SPOCK1: variants seen among roughly 807,000 people sequenced by gnomAD.
SPOCK1 encodes testican-1.
In SPOCK1, 23 loss-of-function variants were observed where a neutral mutation model predicts 55.3. The observed-to-expected ratio is 0.42, with a 90% CI of 0.30 to 0.59. The LOEUF (loss-of-function observed/expected upper bound fraction) is 0.59, where lower values mean the gene tolerates loss of function less well. Among genes scored for constraint, SPOCK1 ranks in the 20% least tolerant of loss-of-function variants. SPOCK1 has a pLI of 0.22. For missense variants in SPOCK1, 499 were observed against 552.5 expected (o/e 0.90, Z 0.97); for synonymous variants, 226 against 221.0 (o/e 1.02, Z -0.20).
chr5:137,309,149 A>C (rs1757748627), intron 2 of SPOCK1, among the ~76,000 whole-genome samples: 1 of 152,222 alleles, frequency 6.6e-6, no homozygotes, highest in African/African-American at 2.4e-5. Flanking sequence ...AAGTAGATAG[A>C]TCTTCAGTGT....
chr5:137,461,476 G>A (rs748810367), intron 2 of SPOCK1, among the ~76,000 whole-genome samples: 16 of 152,190 alleles, frequency 1.1e-4, no homozygotes, highest in Non-Finnish European at 2.2e-4. Flanking sequence ...GCAGCTTTTG[G>A]GGGCAGCCCC....
intron 2 of SPOCK1, among the ~76,000 whole-genome samples, chr5:137,431,252 C>T (rs1752737635): frequency 6.6e-6 from 1 of 152,144 alleles, no homozygotes; most frequent in South Asian, 2.1e-4. Context: ...TACCTACAGC[C>T]AAACAGTCTT....
At chr5:137,270,402 A>C (rs1023220777) in intron 2 of SPOCK1, among the ~76,000 whole-genome samples, 3 of 152,206 alleles carry the variant, frequency 2.0e-5, no homozygotes, top group Non-Finnish European at 4.4e-5. Flanking sequence ...TGCATTCCAC[A>C]GGTTGAGGAA....
intron 6 of SPOCK1, among the ~76,000 whole-genome samples, chr5:137,043,590 T>G (rs1752041928): frequency 6.6e-6 from 1 of 152,196 alleles, no homozygotes; most frequent in Non-Finnish European, 1.5e-5. Flanking sequence ...AAGCATGTAA[T>G]TATGACTTCA....
intron 9 of SPOCK1, among the ~76,000 whole-genome samples, chr5:136,979,806 G>C (rs1750694415): frequency 6.6e-6 from 1 of 152,076 alleles, no homozygotes; most frequent in Non-Finnish European, 1.5e-5. Context: ...ACAACTCTAA[G>C]AGATACATAC....
chr5:136,977,744 T>G lies in SPOCK1; in HGVS notation c.*910A>C. The G allele has an allele frequency of 2.5e-6, 1 of 398,878 alleles. No individual in the cohort carries two copies. The highest frequency in any genetic ancestry group is 4.4e-6 in the Non-Finnish European group (1 of 226,028). 24.7% of individuals were successfully genotyped at this position (398,878 alleles called of 1,614,324 possible). ...AAAGTGATTTAGGCAGACGGAGGTT[T>G]TTTCTCAATCAGAGGCTTTCAGTAA... On this transcript the variant is annotated 3_prime_UTR_variant, in exon 11 of 11. Transcript: ENST00000394945.
intron 5 of SPOCK1, among the ~76,000 whole-genome samples, chr5:137,098,117 T>A (rs1279683546): frequency 6.6e-6 from 1 of 152,240 alleles, no homozygotes; most frequent in African/African-American, 2.4e-5. Context: ...TACTGTTCGA[T>A]GAATTTAATA....
chr5:137,209,359 G>A (rs950334735), intron 3 of SPOCK1, among the ~76,000 whole-genome samples: 2 of 152,204 alleles, frequency 1.3e-5, no homozygotes, highest in South Asian at 4.1e-4. Context: ...AGCATCGCAT[G>A]ACCTGCATGC....
intron 2 of SPOCK1, among the ~76,000 whole-genome samples, chr5:137,324,493 G>T (rs180850153): frequency 6.6e-6 from 1 of 152,088 alleles, no homozygotes; most frequent in Non-Finnish European, 1.5e-5. Context: ...CCTGGAAGAC[G>T]TTGTGTTAAA....
chr5:137,174,550 A>T (rs1287529766), intron 3 of SPOCK1, among the ~76,000 whole-genome samples: 1 of 152,260 alleles, frequency 6.6e-6, no homozygotes, highest in Admixed American at 6.5e-5. Context: ...ACACATGAGC[A>T]GTGCACCCCA....
At chr5:137,256,083 A>C (rs1165813417) in intron 3 of SPOCK1, among the ~76,000 whole-genome samples, 1 of 152,196 alleles carries the variant, frequency 6.6e-6, no homozygotes. Flanking sequence ...TCTTGAGATC[A>C]CATGGGTTCC....
intron 3 of SPOCK1, among the ~76,000 whole-genome samples, chr5:137,162,416 G>T (rs547127722): frequency 1.3e-5 from 2 of 152,238 alleles, no homozygotes; most frequent in East Asian, 3.9e-4. Flanking sequence ...TGGGATTACA[G>T]GTGTGAGCCA....
At chr5:137,375,174 C>T (rs1175928300) in intron 2 of SPOCK1, among the ~76,000 whole-genome samples, 3 of 151,910 alleles carry the variant, frequency 2.0e-5, no homozygotes, top group African/African-American at 4.8e-5. Flanking sequence ...CAAGAAGTAA[C>T]AAGAAGTAAA....
intron 3 of SPOCK1, among the ~76,000 whole-genome samples, chr5:137,254,907 T>A (rs1250334808): frequency 1.3e-5 from 2 of 152,240 alleles, no homozygotes; most frequent in African/African-American, 4.8e-5. Context: ...TCTGAACTCC[T>A]TGTTCCTGCC....
chr5:137,106,347 G>A (rs1753366825), intron 5 of SPOCK1, among the ~76,000 whole-genome samples: 1 of 152,168 alleles, frequency 6.6e-6, no homozygotes, highest in Non-Finnish European at 1.5e-5. Flanking sequence ...AGAATTAAAA[G>A]CTGGCAATCA....
chr5:136,990,002 C>A (rs1445517794), intron 7 of SPOCK1, among the ~76,000 whole-genome samples: 1 of 152,002 alleles, frequency 6.6e-6, no homozygotes, highest in Non-Finnish European at 1.5e-5. Context: ...GCTCTGCCTC[C>A]CGGGTTCGCA....
chr5:137,430,464 AT>A (rs1017764047), intron 2 of SPOCK1, among the ~76,000 whole-genome samples: 4 of 152,186 alleles, frequency 2.6e-5, no homozygotes, highest in African/African-American at 9.6e-5. Context: ...TATTTTGCCC[AT>A]GATGTTTCAG....
chr5:137,285,838 C>T (rs1293776498), intron 2 of SPOCK1, among the ~76,000 whole-genome samples: 1 of 152,088 alleles, frequency 6.6e-6, no homozygotes, highest in East Asian at 1.9e-4. Flanking sequence ...CTACTCTGTG[C>T]CAGGCAGGGC....
At chr5:137,340,960 A>T (rs564113296) in intron 2 of SPOCK1, among the ~76,000 whole-genome samples, 4 of 151,452 alleles carry the variant, frequency 2.6e-5, no homozygotes, top group African/African-American at 9.7e-5. Flanking sequence ...TAATAACTGC[A>T]GCATCTGGGA....
Sources: gnomAD v4.1 joint callset for allele counts (sites outside exome capture counted in the v4.1 genomes callset) on GRCh38, gnomAD v4.1.1 for gene constraint, MANE v1.5 for transcripts, NCBI Gene and HGNC (gene_info 2026-07-23, HGNC 2026-07-21) for gene names.